C8A: variants seen among roughly 807,000 people sequenced by gnomAD.
C8A encodes complement component C8 alpha chain.
C8A carries 67 observed loss-of-function variants against 65.3 expected under a neutral mutation model. That is an observed-to-expected ratio of 1.03 (90% CI 0.84 to 1.26). The LOEUF (loss-of-function observed/expected upper bound fraction) is 1.26, where lower values mean the gene tolerates loss of function less well. C8A is among the 50% of genes most tolerant of loss of function. The pLI, the probability that C8A is intolerant of heterozygous loss-of-function variation, is 0.00. For missense variants in C8A, 781 were observed against 723.9 expected, an observed-to-expected ratio of 1.08 and a Z score of -0.90; for synonymous variants, 290 against 259.4, an observed-to-expected ratio of 1.12 and a Z score of -1.13.
At chr1:56,910,204 A>G (rs1221582219) in intron 9 of C8A, among the ~76,000 whole-genome samples, 1 of 152,104 alleles carries the variant, frequency 6.6e-6, no homozygotes, top group Non-Finnish European at 1.5e-5. Flanking sequence ...AAGTGCTTAG[A>G]GTTTGTGAAT....
intron 5 of C8A, among the ~76,000 whole-genome samples, chr1:56,882,649 A>G (rs547160231): frequency 6.6e-6 from 1 of 152,052 alleles, no homozygotes; most frequent in South Asian, 2.1e-4. Flanking sequence ...TGCTCCCCCA[A>G]CCCCACTCCA....
intron 10 of C8A, among the ~76,000 whole-genome samples, chr1:56,913,856 G>T (rs1644529844): frequency 6.6e-6 from 1 of 152,292 alleles, no homozygotes; most frequent in African/African-American, 2.4e-5. Flanking sequence ...AAGCCATGTG[G>T]CTCAATGGCC....
chr1:56,903,349 C>T (rs1467264597), intron 7 of C8A, among the ~76,000 whole-genome samples: 1 of 152,128 alleles, frequency 6.6e-6, no homozygotes, highest in Non-Finnish European at 1.5e-5. Context: ...GGCACTTCTT[C>T]TTGGTGCCAT....
In C8A at chr1:56,883,745, T is replaced by C; in HGVS notation, c.855+64T>C. ...AATATACACTGAACACGTATTACCT[T>C]AATTGCATTAAAAAGTACAGTAGTA... is the stretch of plus-strand genomic sequence containing the variant. On this transcript the variant is annotated intron_variant, in intron 6 of 10. Transcript: ENST00000361249. The C allele has an allele frequency of 2.2e-6, 3 of 1,352,376 alleles. No homozygotes were observed. The South Asian group carries it at 3.6e-5, about 16-fold the overall frequency. 83.8% of individuals were successfully genotyped at this position (1,352,376 alleles called of 1,614,324 possible).
Position 56,876,131 on chromosome 1 carries a change from A to G in C8A, c.386A>G (p.Asp129Gly). The stretch of plus-strand genomic sequence containing the variant: ...TGCCTTGATGGCTCTGATGAGGACG[A>G]CTGTGAAGATGTCAGGGCCATTGAC... ...QDCLDGSDED[D>G]CEDVRAIDED... Residue 129 changes from aspartate (D) to glycine (G), a missense_variant, in exon 4 of 11, where the codon GAC (aspartate) becomes GGC (glycine). Transcript: ENST00000361249. 6.2e-7 allele frequency: 1 copy of G among 1,613,890 alleles called. No individual in the cohort carries two copies. The highest frequency in any genetic ancestry group is 8.5e-7 in the Non-Finnish European group (1 of 1,179,892).
At chr1:56,899,009 A>AC (rs2101280629) in intron 7 of C8A, among the ~76,000 whole-genome samples, 1 of 152,180 alleles carries the variant, frequency 6.6e-6, no homozygotes, top group African/African-American at 2.4e-5. Flanking sequence ...CTGCTAACCA[A>AC]CCAGTCACCC....
chr1:56,902,710 T>C (rs1308250198), intron 7 of C8A, among the ~76,000 whole-genome samples: 1 of 152,156 alleles, frequency 6.6e-6, no homozygotes, highest in East Asian at 1.9e-4. Flanking sequence ...ATCTGACTAT[T>C]CATATATCTA....
At chr1:56,890,404 T>G (rs900989986) in intron 7 of C8A, among the ~76,000 whole-genome samples, 3 of 152,220 alleles carry the variant, frequency 2.0e-5, no homozygotes, top group Admixed American at 1.3e-4. Flanking sequence ...GTATGGTCAC[T>G]GTTCTTGCAA....
chr1:56,901,326 C>T (rs751637697), intron 7 of C8A, among the ~76,000 whole-genome samples: 20 of 152,248 alleles, frequency 1.3e-4, no homozygotes, highest in Admixed American at 4.6e-4. Flanking sequence ...CTGCTGTTTT[C>T]CACCTAATGC....
chr1:56,900,195 A>G (rs1557712200), intron 7 of C8A, among the ~76,000 whole-genome samples: 1 of 152,174 alleles, frequency 6.6e-6, no homozygotes, highest in Non-Finnish European at 1.5e-5. Flanking sequence ...GCTACACACC[A>G]TGCATGATGA....
chr1:56,866,013 T>C (rs780410121), intron 1 of C8A, among the ~76,000 whole-genome samples: 4 of 152,216 alleles, frequency 2.6e-5, no homozygotes, highest in Non-Finnish European at 5.9e-5. Context: ...ACTTATATGC[T>C]TTCAGGTTCC....
At chr1:56,894,299 T>C (rs1192264707) in intron 7 of C8A, among the ~76,000 whole-genome samples, 1 of 152,118 alleles carries the variant, frequency 6.6e-6, no homozygotes, top group African/African-American at 2.4e-5. Context: ...CTCCTCCACC[T>C]GCCCATTTCT....
chr1:56,899,308 T>C (rs1185303002), intron 7 of C8A, among the ~76,000 whole-genome samples: 6 of 152,204 alleles, frequency 3.9e-5, no homozygotes, highest in Non-Finnish European at 5.9e-5. Context: ...GAGCCATCCT[T>C]AGCTCTCTTT....
intron 7 of C8A, among the ~76,000 whole-genome samples, chr1:56,888,524 A>T (rs554086852): frequency 6.6e-6 from 1 of 152,318 alleles, no homozygotes; most frequent in Admixed American, 6.5e-5. Flanking sequence ...TTGAACAACA[A>T]CAAAGGACAG....
chr1:56,909,972 A>G (rs1009988787), intron 9 of C8A, among the ~76,000 whole-genome samples: 1 of 152,218 alleles, frequency 6.6e-6, no homozygotes, highest in Non-Finnish European at 1.5e-5. Context: ...GTTCGGACTC[A>G]ATGCATTAAG....
At chr1:56,883,150 C>T (rs1447777130) in intron 5 of C8A, among the ~76,000 whole-genome samples, 2 of 152,144 alleles carry the variant, frequency 1.3e-5, no homozygotes, top group African/African-American at 4.8e-5. Context: ...AGCCTTCTCT[C>T]CTGGAAGGAT....
chr1:56,857,846 C>T (rs1643993043), intron 1 of C8A, among the ~76,000 whole-genome samples: 2 of 152,026 alleles, frequency 1.3e-5, no homozygotes. Context: ...CCCATACACT[C>T]TCATCTGTCT....
chr1:56,881,386 C>T lies in C8A; in HGVS notation c.465-59C>T, dbSNP rs1644245870. ...TGGTTTAATATACAGATCATCCCATCACCCAGGTATAAAACCCAGCATCCA... is the reference window on the plus strand; with the variant it reads ...TGGTTTAATATACAGATCATCCCATTACCCAGGTATAAAACCCAGCATCCA... On this transcript the variant is annotated intron_variant, in intron 4 of 10. Transcript: ENST00000361249. The T allele has an allele frequency of 4.5e-6, 7 of 1,549,308 alleles. No homozygotes were observed. In the African/African-American group the frequency reaches 8.2e-5, roughly 18 times the overall value.
intron 5 of C8A, among the ~76,000 whole-genome samples, chr1:56,882,485 C>A (rs1490843948): frequency 6.6e-6 from 1 of 152,092 alleles, no homozygotes; most frequent in Non-Finnish European, 1.5e-5. Context: ...AAGACCCAAA[C>A]CTAGATCTGT....
Sources: gnomAD v4.1 joint callset for allele counts (sites outside exome capture counted in the v4.1 genomes callset) on GRCh38, gnomAD v4.1.1 for gene constraint, MANE v1.5 for transcripts, NCBI Gene and HGNC (gene_info 2026-07-23, HGNC 2026-07-21) for gene names.